KIF15: variants seen among roughly 807,000 people sequenced by gnomAD.
KIF15 encodes kinesin family member 15.
In KIF15, 140 loss-of-function variants were observed where a neutral mutation model predicts 190.6. The ratio of observed to expected loss-of-function variants is 0.73; its 90% CI spans 0.64 to 0.84. KIF15 has a LOEUF of 0.84. Among genes scored for constraint, KIF15 ranks in the 40% least tolerant of loss-of-function variants. The pLI is 0.00. For missense variants in KIF15, 1,372 were observed against 1,584.4 expected (o/e 0.87, Z 2.28); for synonymous variants, 528 against 551.3 (o/e 0.96, Z 0.59).
At chr3:44,775,134 G>A (rs1705813868) in intron 2 of KIF15, 120 bp from the exon 3 acceptor site, 1 of 767,406 alleles carries the variant, frequency 1.3e-6, no homozygotes, top group Non-Finnish European at 2.1e-6. Context: ...TATGGGATAT[G>A]TCTTGGGCTT....
At chr3:44,763,339 A>G (rs1451486805) in intron 1 of KIF15, among the ~76,000 whole-genome samples, 4 of 152,158 alleles carry the variant, frequency 2.6e-5, no homozygotes, top group Admixed American at 6.5e-5. Flanking sequence ...GTCTTGCTCT[A>G]TTGCCGGGCT....
rs894711010 is a variant in KIF15 at position 44,799,624 on chromosome 3, T to C, written c.1099-690T>C. ...ACAGGCTGGAGTGCAGTGGCGCACA[T>C]GTGTGACCTGCCCCACTCTTGACAT... On this transcript the variant is annotated intron_variant, in intron 10 of 34. Transcript: ENST00000326047. Among the ~76,000 whole-genome samples the C allele has an allele frequency of 2.7e-5, 4 of 148,160 alleles. No individual in the cohort carries two copies. In the South Asian group the frequency reaches 8.5e-4, roughly 31 times the overall value.
At chr3:44,829,580 G>GTATATAT (rs1286394626) in intron 24 of KIF15, among the ~76,000 whole-genome samples, 2 of 109,542 alleles carry the variant, frequency 1.8e-5, no homozygotes, top group Non-Finnish European at 3.3e-5. Context: ...TATTATATAT[G>GTATATAT]TATATATTAT....
chr3:44,770,376 A>T (rs1409805355), intron 1 of KIF15, among the ~76,000 whole-genome samples: 2 of 152,170 alleles, frequency 1.3e-5, no homozygotes, highest in African/African-American at 2.4e-5. Flanking sequence ...GGACTTTCTA[A>T]AGCTGAACCC....
chr3:44,763,957 G>T (rs910358185), intron 1 of KIF15, among the ~76,000 whole-genome samples: 1 of 152,192 alleles, frequency 6.6e-6, no homozygotes. Context: ...CAAAGTGCTA[G>T]GATTACAGGC....
At position 44,838,415 on chromosome 3, in the gene KIF15, G is replaced by A; in HGVS notation, c.3312G>A (p.Gln1104=). ...AGGAAGCCCTGATTCAGGAACTTCA[G>A]CACAAGGTGAGAAACACACAGGTGT... The part of the protein sequence containing the change: ...TKKEALIQEL[Q]HKLNQKKEEV... Residue 1104 remains glutamine, a synonymous_variant, in exon 27 of 35, where the codon CAG becomes CAA. Coordinates refer to ENST00000326047, the MANE Select transcript of KIF15 (RefSeq NM_020242.3). The A allele has an allele frequency of 6.2e-7, 1 of 1,612,234 alleles. No homozygotes were observed. The highest frequency in any genetic ancestry group is 8.5e-7 in the Non-Finnish European group (1 of 1,179,202).
intron 10 of KIF15, chr3:44,799,296 G>A (rs1707142910): frequency 4.4e-6 from 2 of 456,722 alleles, no homozygotes; most frequent in East Asian, 6.9e-5. Context: ...TCAATGGTAA[G>A]CCCTTTGCAG....
Position 44,865,097 on chromosome 3 carries a change from G to C in KIF15, c.*60-8232G>C, listed in dbSNP as rs1330219715. On this transcript the variant is annotated intron_variant and NMD_transcript_variant, in intron 6 of 6. Transcript: ENST00000422209. ...CCAGGAGGTCTTGTGGTGGGGAGGAGTGTTCCTTATTCTCTGCGGACTCAC... is the reference window on the plus strand; with the variant it reads ...CCAGGAGGTCTTGTGGTGGGGAGGACTGTTCCTTATTCTCTGCGGACTCAC... 9 of 1,614,142 alleles carry C rather than the reference G, an allele frequency of 5.6e-6. No homozygotes were observed. In the South Asian group the frequency reaches 9.9e-5, roughly 18 times the overall value.
intron 6 of KIF15, among the ~76,000 whole-genome samples, chr3:44,864,675 T>C (rs1699301453): frequency 6.6e-6 from 1 of 152,178 alleles, no homozygotes; most frequent in African/African-American, 2.4e-5. Context: ...ATTTAGAGGG[T>C]TGGGATTCCC....
chr3:44,842,269 T>C (rs1261933132), intron 29 of KIF15, among the ~76,000 whole-genome samples: 1 of 152,136 alleles, frequency 6.6e-6, no homozygotes, highest in African/African-American at 2.4e-5. Context: ...TTCCTCATAG[T>C]GTTTTTACCC....
At chr3:44,814,787 C>CT in intron 19 of KIF15, 124 bp from the exon 20 acceptor site, 1 of 654,868 alleles carries the variant, frequency 1.5e-6, no homozygotes, top group East Asian at 3.1e-5. Context: ...CCACTTAATT[C>CT]TTTAACATTT....
chr3:44,815,438 AT>A (rs1707989418), intron 20 of KIF15, among the ~76,000 whole-genome samples: 1 of 152,222 alleles, frequency 6.6e-6, no homozygotes, highest in Non-Finnish European at 1.5e-5. Context: ...CCCAATAGCC[AT>A]GTATTATCCC....
intron 26 of KIF15, among the ~76,000 whole-genome samples, chr3:44,833,884 C>A (rs1009529060): frequency 3.3e-5 from 5 of 152,170 alleles, no homozygotes; most frequent in Admixed American, 6.5e-5. Context: ...AACCTAGGGT[C>A]CCCTACAAAG....
chr3:44,771,498 G>A (rs1029633392), intron 1 of KIF15, among the ~76,000 whole-genome samples: 2 of 152,102 alleles, frequency 1.3e-5, no homozygotes, highest in African/African-American at 4.8e-5. Context: ...ATGTGTCAGG[G>A]GCCCTCTGTA....
chr3:44,782,710 C>T (rs1706225043), intron 5 of KIF15, among the ~76,000 whole-genome samples: 1 of 152,112 alleles, frequency 6.6e-6, no homozygotes, highest in Admixed American at 6.5e-5. Context: ...CAGGAGGTGA[C>T]CTTTGGAGTT....
At position 44,852,228 on chromosome 3, in the gene KIF15, G is replaced by A. The variant is rs1699085807; in HGVS notation, c.3993G>A (p.Lys1331=). ...TGCAGGAGATGGAAATGTTAAGGAA[G>A]CAGGTGGAGTGTCTTGCTGAGGAAA... is the stretch of plus-strand genomic sequence containing the variant. The part of the protein sequence containing the change: ...RTSQEMEMLR[K]QVECLAEENG... The change falls in exon 34 of 35, where the codon AAG becomes AAA. Residue 1331 remains lysine, a synonymous_variant. Transcript: ENST00000326047. The A allele has an allele frequency of 6.2e-7, 1 of 1,612,470 alleles. No homozygotes were observed. Among genetic ancestry groups the A allele is most frequent in the South Asian group, 1.1e-5 (1 of 90,874 alleles).
chr3:44,821,546 C>T (rs965952405), intron 20 of KIF15, among the ~76,000 whole-genome samples: 38 of 151,940 alleles, frequency 2.5e-4, no homozygotes, highest in African/African-American at 7.7e-4. Flanking sequence ...CAGAGACGCT[C>T]CTCACTTCCT....
At chr3:44,829,557 T>TTATATATGTATATATTATATATG (rs1697901209) in intron 24 of KIF15, among the ~76,000 whole-genome samples, 3 of 112,304 alleles carry the variant, frequency 2.7e-5, no homozygotes, top group African/African-American at 1.2e-4. Flanking sequence ...TATGTATATA[T>TTATATATGTATATATTATATATG]TATATATGTA....
chr3:44,840,262 CTGA>C lies in KIF15; in HGVS notation c.3319-88_3319-86del, dbSNP rs1273009046. ...CATTGTGGTTTTCATTTGCATTTCC[CTGA>C]TGATTGGTGATGGGAAGTTTGTCTT... is the stretch of plus-strand genomic sequence containing the variant. On this transcript the variant is annotated intron_variant, in intron 27 of 34. Transcript: ENST00000326047. 9 of 685,396 alleles carry C rather than the reference CTGA, an allele frequency of 1.3e-5. No individual in the cohort carries two copies. The African/African-American group carries it at 1.5e-4, about 11-fold the overall frequency. The allele number at this position is 685,396 out of a possible 1,614,324, so 42.5% of individuals were successfully genotyped here. A position where few individuals can be genotyped will look rare whatever the true frequency, so the allele number is the denominator to read the frequency against.
Sources: allele counts gnomAD v4.1 joint callset (sites outside exome capture counted in the v4.1 genomes callset), GRCh38; gene constraint gnomAD v4.1.1; transcripts MANE v1.5; gene names NCBI Gene and HGNC (gene_info 2026-07-23, HGNC 2026-07-21).